KIAA0753: variants seen among roughly 807,000 people sequenced by gnomAD.
KIAA0753 encodes the protein protein moonraker.
A neutral mutation model predicts 116.9 loss-of-function variants in KIAA0753; 114 were observed. The observed-to-expected ratio is 0.98, with a 90% CI of 0.84 to 1.14. The LOEUF is 1.14. Ranked by LOEUF, KIAA0753 falls within the 50% of genes most tolerant of loss-of-function variation. The pLI is 0.00. For missense variants in KIAA0753, 1,156 were observed against 1,172.4 expected, an observed-to-expected ratio of 0.99 and a Z score of 0.20; for synonymous variants, 405 against 413.1, an observed-to-expected ratio of 0.98 and a Z score of 0.24.
At chr17:6,584,441 T>TTA (rs1441070452) in intron 18 of KIAA0753, among the ~76,000 whole-genome samples, 1 of 152,252 alleles carries the variant, frequency 6.6e-6, no homozygotes, top group Non-Finnish European at 1.5e-5. Context: ...TGCCTCGTTT[T>TTA]TATGTTTGCT....
chr17:6,610,229 C>A, intron 8 of KIAA0753, 69 bp from the exon 9 acceptor site: 1 of 1,508,922 alleles, frequency 6.6e-7, no homozygotes, highest in South Asian at 1.2e-5. Context: ...ACCTCTGACT[C>A]ACTGAAGCTC....
intron 15 of KIAA0753, 69 bp downstream of exon 15, chr17:6,596,089 T>A: frequency 6.9e-7 from 1 of 1,445,518 alleles, no homozygotes; most frequent in Non-Finnish European, 9.5e-7. Flanking sequence ...TGCAGAGGCA[T>A]GAGGAGAAAT....
At chr17:6,634,087 G>C (rs1303524240) in intron 2 of KIAA0753, among the ~76,000 whole-genome samples, 1 of 150,766 alleles carries the variant, frequency 6.6e-6, no homozygotes, top group East Asian at 2.0e-4. Flanking sequence ...CAGTAAACAG[G>C]GTGAATTCTT....
rs751258436 is a variant in KIAA0753 at position 6,620,944 on chromosome 17, A to C, written c.1159T>G (p.Phe387Val). Residue 387 changes from phenylalanine (F) to valine (V), a missense_variant, in exon 7 of 19, where the codon TTC (phenylalanine) becomes GTC (valine). Physicochemically the swap from Phe to Val is conservative, Grantham distance 50 (BLOSUM62 -1). Coordinates refer to ENST00000361413, the MANE Select transcript of KIAA0753 (RefSeq NM_014804.3). ...GGAAATCTGCTCCGAATTTCACTGA[A>C]ACATTTTTTCACCTTTTTTGGTGAC... ...KLSPKKVKKC[F>V]SEIRSRFPIG... 4 of 1,614,096 alleles carry C rather than the reference A, an allele frequency of 2.5e-6. No homozygotes were observed. Among genetic ancestry groups the C allele is most frequent in the Non-Finnish European group, 3.4e-6 (4 of 1,180,008 alleles).
intron 1 of KIAA0753, 176 bp from the exon 2 acceptor site, chr17:6,635,347 C>T (rs1972256904): frequency 3.1e-6 from 1 of 320,028 alleles, no homozygotes; most frequent in Admixed American, 4.7e-5. Context: ...TAAAAGCAAC[C>T]ACACTTTGGA....
intron 7 of KIAA0753, among the ~76,000 whole-genome samples, chr17:6,615,655 G>T (rs1177657901): frequency 1.4e-5 from 2 of 139,974 alleles, no homozygotes; most frequent in African/African-American, 5.4e-5. Flanking sequence ...TAAATCCTCA[G>T]TCTGTAATTT....
At position 6,640,674 on chromosome 17, in the gene KIAA0753, A is replaced by C; in HGVS notation, c.-106T>G. ...GAGGCGCGGCTACTGGGAGGCGGGC[A>C]ACGGGGGCCCCCAACAAGGCCGCGC... On this transcript the variant is annotated 5_prime_UTR_variant, in exon 1 of 19. Coordinates refer to ENST00000361413, the MANE Select transcript of KIAA0753 (RefSeq NM_014804.3). 6.4e-6 allele frequency: 1 copy of C among 157,472 alleles called. No individual in the cohort carries two copies. Among genetic ancestry groups the C allele is most frequent in the Non-Finnish European group, 1.4e-5 (1 of 70,988 alleles). The allele number at this position is 157,472 out of a possible 1,614,324, so 9.8% of individuals were successfully genotyped here.
At chr17:6,587,167 G>A (rs113950790) in intron 18 of KIAA0753, among the ~76,000 whole-genome samples, 3,252 of 152,168 alleles carry the variant, frequency 0.021, 105 homozygotes, top group African/African-American at 0.073. Flanking sequence ...AGGAGGCGGA[G>A]GTTGCAGTGA....
At chr17:6,604,006 G>A in intron 12 of KIAA0753, among the ~76,000 whole-genome samples, 1 of 152,158 alleles carries the variant, frequency 6.6e-6, no homozygotes, top group African/African-American at 2.4e-5. Context: ...TGACAAAGAT[G>A]CAGCACAACT....
chr17:6,623,619 CT>C, intron 4 of KIAA0753, 48 bp from the exon 5 acceptor site: 2 of 1,578,088 alleles, frequency 1.3e-6, no homozygotes, highest in Non-Finnish European at 8.6e-7. Flanking sequence ...TTCCATTGAT[CT>C]TTTTTGTAGA....
At chr17:6,591,540 C>G (rs1314558602) in intron 16 of KIAA0753, among the ~76,000 whole-genome samples, 1 of 152,212 alleles carries the variant, frequency 6.6e-6, no homozygotes, top group Non-Finnish European at 1.5e-5. Flanking sequence ...GGAACTCTTA[C>G]TACGATTCCA....
intron 17 of KIAA0753, 135 bp downstream of exon 17, chr17:6,590,374 GC>G: frequency 1.0e-6 from 1 of 965,474 alleles, no homozygotes; most frequent in Non-Finnish European, 1.6e-6. Flanking sequence ...TATTTACTCA[GC>G]CATCTTGGAG....
chr17:6,608,155 G>C (rs1241232900), intron 10 of KIAA0753, among the ~76,000 whole-genome samples, 193 bp downstream of exon 10: 1 of 152,028 alleles, frequency 6.6e-6, no homozygotes, highest in Admixed American at 6.6e-5. Flanking sequence ...AAATAGAAGA[G>C]CTCACTATAA....
intron 1 of KIAA0753, chr17:6,636,822 C>T (rs1972355886): frequency 1.3e-5 from 2 of 152,130 alleles, no homozygotes; most frequent in African/African-American, 2.4e-5. Flanking sequence ...CCACATAACT[C>T]TCTCCCAAAT....
At chr17:6,628,775 G>A (rs1441077752) in intron 2 of KIAA0753, 34 bp from the exon 3 acceptor site, 3 of 1,542,970 alleles carry the variant, frequency 1.9e-6, no homozygotes, top group Non-Finnish European at 2.6e-6. Context: ...GCAGACATCA[G>A]AAAAATTTCA....
intron 9 of KIAA0753, 79 bp downstream of exon 9, chr17:6,609,915 T>TA: frequency 6.7e-7 from 1 of 1,503,052 alleles, no homozygotes; most frequent in East Asian, 2.3e-5. Flanking sequence ...ATTTGCTCCT[T>TA]ATAAGCTACA....
intron 4 of KIAA0753, among the ~76,000 whole-genome samples, 183 bp downstream of exon 4, chr17:6,624,572 G>A (rs147596505): frequency 1.9e-4 from 17 of 90,620 alleles, no homozygotes; most frequent in Admixed American, 9.4e-4. Context: ...ACACACACAC[G>A]CAGATTACAA....
At chr17:6,631,355 G>A (rs937504189) in intron 2 of KIAA0753, among the ~76,000 whole-genome samples, 2 of 152,224 alleles carry the variant, frequency 1.3e-5, no homozygotes, top group Non-Finnish European at 2.9e-5. Context: ...TTCTTCTTGA[G>A]CAGAGACACG....
chr17:6,618,945 T>C (rs1055735864), intron 7 of KIAA0753, among the ~76,000 whole-genome samples: 1 of 152,124 alleles, frequency 6.6e-6, no homozygotes, highest in African/African-American at 2.4e-5. Context: ...ACTCCAATAA[T>C]AGGCCAGGCG....
Sources: gnomAD v4.1 joint callset for allele counts (sites outside exome capture counted in the v4.1 genomes callset) on GRCh38, gnomAD v4.1.1 for gene constraint, MANE v1.5 for transcripts, NCBI Gene and HGNC (gene_info 2026-07-23, HGNC 2026-07-21) for gene names.